Variants in AGAP1 observed in about 807,000 individuals in gnomAD.
AGAP1 encodes arf-GAP with GTPase, ANK repeat and PH domain-containing protein 1.
A neutral mutation model predicts 105.3 loss-of-function variants in AGAP1; 29 were observed. That is an observed-to-expected ratio of 0.28 (90% CI 0.21 to 0.38). AGAP1 has a LOEUF of 0.38. Ranked by LOEUF, AGAP1 falls within the 10% of genes least tolerant of loss-of-function variation. The probability of loss-of-function intolerance (pLI) is 1.00; values close to 1 mark genes in which losing one functional copy is unlikely to be tolerated. For synonymous variants in AGAP1, 509 were observed against 485.9 expected (o/e 1.05, Z -0.63); for missense variants, 998 against 1,165.1 (o/e 0.86, Z 2.09).
In AGAP1 at chr2:235,930,847, C is replaced by G; in HGVS notation, c.1407C>G (p.His469Gln). Residue 469 changes from histidine (H) to glutamine (Q), a missense_variant, in exon 12 of 18, where the codon CAC becomes CAG. Physicochemically the swap from His to Gln is conservative, Grantham distance 24. Around this residue, in one of 3 missense-constraint regions of AGAP1, gnomAD observed 735 missense variants for 833.4 expected, o/e 0.88. Transcript: ENST00000304032. This position sits in a 1 kb window ranked among gnomAD's most constrained non-coding sequence, Gnocchi z 7.9. ...TCAACAGCCGACCCGACGGCATGCACCAGCGCTCCTACTCAGTCTCCAGTG... is the reference window on the plus strand; with the variant it reads ...TCAACAGCCGACCCGACGGCATGCAGCAGCGCTCCTACTCAGTCTCCAGTG... ...VSFNSRPDGM[H>Q]QRSYSVSSAD... The G allele has an allele frequency of 6.2e-7, 1 of 1,614,184 alleles. No homozygotes were observed. Among genetic ancestry groups the G allele is most frequent in the Non-Finnish European group, 8.5e-7 (1 of 1,180,038 alleles).
chr2:235,834,478 G>A (rs1411806943), intron 9 of AGAP1, among the ~76,000 whole-genome samples: 1 of 152,216 alleles, frequency 6.6e-6, no homozygotes, highest in Non-Finnish European at 1.5e-5. Flanking sequence ...AGGCCACAGA[G>A]CCCGGTCTGT....
intron 9 of AGAP1, among the ~76,000 whole-genome samples, chr2:235,815,881 G>A (rs1446753492): frequency 1.3e-5 from 2 of 152,140 alleles, no homozygotes; most frequent in East Asian, 1.9e-4. Flanking sequence ...AGCTGTTGAG[G>A]CCTTTCAGTC....
intron 1 of AGAP1, among the ~76,000 whole-genome samples, chr2:235,679,236 A>C (rs528070720): frequency 6.6e-6 from 1 of 152,308 alleles, no homozygotes; most frequent in Non-Finnish European, 1.5e-5. Context: ...CAGTAAACAG[A>C]TATGTCACTG....
chr2:235,690,987 C>T lies in AGAP1; in HGVS notation c.164-18192C>T, dbSNP rs1949708953. Among the ~76,000 whole-genome samples the T allele has an allele frequency of 6.6e-6, 1 of 152,152 alleles. No homozygotes were observed. Among genetic ancestry groups the T allele is most frequent in the African/African-American group, 2.4e-5 (1 of 41,438 alleles). Reference sequence around the variant, plus strand: ...AGCCTTCTTGGAAGTCGCTCACCACCTGGTTTTCTCCAATTAGGCTATGAG... The same window carrying T: ...AGCCTTCTTGGAAGTCGCTCACCACTTGGTTTTCTCCAATTAGGCTATGAG... On this transcript the variant is annotated intron_variant, in intron 1 of 17. Coordinates refer to ENST00000304032, the MANE Select transcript of AGAP1 (RefSeq NM_001037131.3). The surrounding 1 kb of genome is among the most constrained non-coding windows in gnomAD (Gnocchi z 4.1).
At position 236,056,965 on chromosome 2, in the gene AGAP1, A is replaced by C. The variant is rs372750459; in HGVS notation, c.2114+7684A>C. On this transcript the variant is annotated intron_variant, in intron 16 of 17. Transcript: ENST00000304032. This position sits in a 1 kb window ranked among gnomAD's most constrained non-coding sequence, Gnocchi z 4.6. Reference sequence around the variant, plus strand: ...TCCCACTCGCCCCTGGTCAGTTTCTATCTCAGTAGCCATCGTGTGTCAAAC... The same window carrying C: ...TCCCACTCGCCCCTGGTCAGTTTCTCTCTCAGTAGCCATCGTGTGTCAAAC... Among the ~76,000 whole-genome samples, 1 of 152,204 alleles carries C rather than the reference A, an allele frequency of 6.6e-6. No individual in the cohort carries two copies. Among genetic ancestry groups the C allele is most frequent in the Non-Finnish European group, 1.5e-5 (1 of 68,038 alleles).
At chr2:235,527,802 T>C (rs1279958464) in intron 1 of AGAP1, among the ~76,000 whole-genome samples, 1 of 152,226 alleles carries the variant, frequency 6.6e-6, no homozygotes, top group Non-Finnish European at 1.5e-5. Flanking sequence ...TTCTTGTGTC[T>C]GTCATTACAG....
At chr2:236,028,934 G>A (rs10170434) in intron 13 of AGAP1, among the ~76,000 whole-genome samples, 97,475 of 152,006 alleles carry the variant, frequency 0.64, 32,560 homozygotes, top group African/African-American at 0.83. Context: ...TTCTCTTATT[G>A]ATTTTTTTTC....
At position 235,734,441 on chromosome 2, in the gene AGAP1, C is replaced by T. The variant is rs1267481594; in HGVS notation, c.311-6522C>T. On this transcript the variant is annotated intron_variant, in intron 3 of 17. Transcript: ENST00000304032. This position sits in a 1 kb window ranked among gnomAD's most constrained non-coding sequence, Gnocchi z 5.3. ...GATCAGACACTGCCATGAGGTCCCT[C>T]CCCTCTCTGATGGCAAAGGGAAACA... is the stretch of plus-strand genomic sequence containing the variant. 1.3e-5 allele frequency among the ~76,000 whole-genome samples: 2 copies of T among 151,974 alleles called. No homozygotes were observed. The highest frequency in any genetic ancestry group is 1.9e-4 in the East Asian group (1 of 5,170).
rs1341998605 is a variant in AGAP1, at chr2:235,714,683, A to G, written c.223-2874A>G. Among the ~76,000 whole-genome samples the G allele has an allele frequency of 1.3e-5, 2 of 152,128 alleles. No homozygotes were observed. The highest frequency in any genetic ancestry group is 2.9e-5 in the Non-Finnish European group (2 of 68,032). ...TGGGTGACAGAGAACATTTGGATCCATGAGCCATCACTCAGACAGCAGACC... is the reference window on the plus strand; with the variant it reads ...TGGGTGACAGAGAACATTTGGATCCGTGAGCCATCACTCAGACAGCAGACC... On this transcript the variant is annotated intron_variant, in intron 2 of 17. Coordinates refer to ENST00000304032, the MANE Select transcript of AGAP1 (RefSeq NM_001037131.3). The surrounding 1 kb of genome is among the most constrained non-coding windows in gnomAD (Gnocchi z 4.1).
rs1230752404 is a variant in AGAP1 at position 235,555,354 on chromosome 2, C to T, written c.163+60505C>T. On this transcript the variant is annotated intron_variant, in intron 1 of 17. Transcript: ENST00000304032. This position sits in a 1 kb window ranked among gnomAD's most constrained non-coding sequence, Gnocchi z 5.1. Reference sequence around the variant, plus strand: ...CCCAGTCCAGTCTGCAAAGCCTGGCCACTTGCACAGGAAGATGCTCATAGA... The same window carrying T: ...CCCAGTCCAGTCTGCAAAGCCTGGCTACTTGCACAGGAAGATGCTCATAGA... 6.6e-6 allele frequency among the ~76,000 whole-genome samples: 1 copy of T among 152,190 alleles called. No individual in the cohort carries two copies. The highest frequency in any genetic ancestry group is 1.9e-4 in the East Asian group (1 of 5,188).
intron 16 of AGAP1, among the ~76,000 whole-genome samples, chr2:236,077,050 C>G (rs1347830186): frequency 6.8e-6 from 1 of 146,796 alleles, no homozygotes; most frequent in Non-Finnish European, 1.5e-5. Flanking sequence ...GAGGAGGTTG[C>G]AGTAAGCTAT....
intron 1 of AGAP1, among the ~76,000 whole-genome samples, chr2:235,695,563 C>T (rs575836945): frequency 1.3e-5 from 2 of 152,124 alleles, no homozygotes; most frequent in Non-Finnish European, 1.5e-5. Flanking sequence ...CTTGATCTGT[C>T]GTGGAACTTT....
intron 16 of AGAP1, among the ~76,000 whole-genome samples, chr2:236,097,009 C>G (rs116063547): frequency 1.6e-3 from 238 of 152,330 alleles, no homozygotes; most frequent in African/African-American, 5.5e-3. Flanking sequence ...TCCTGAAATT[C>G]ACTTTCAGAA....
rs2060057662 is a variant in AGAP1 at position 236,129,719 on chromosome 2, T to TA, written c.*5599dup. 1 of 152,240 alleles carries TA rather than the reference T, an allele frequency of 6.6e-6. No individual in the cohort carries two copies. Among genetic ancestry groups the TA allele is most frequent in the South Asian group, 2.1e-4 (1 of 4,830 alleles). The allele number at this position is 152,240 out of a possible 1,614,324, so 9.4% of individuals were successfully genotyped here. A position where few individuals can be genotyped will look rare whatever the true frequency, so the allele number is the denominator to read the frequency against. On this transcript the variant is annotated 3_prime_UTR_variant, in exon 18 of 18. Transcript: ENST00000304032. The surrounding 1 kb of genome is among the most constrained non-coding windows in gnomAD (Gnocchi z 6.2). ...TTGAAATATTAATGGCCCCCCCATTTAATCAGTGTGTCTGCGGCTTTCTTC... is the reference window on the plus strand; with the variant it reads ...TTGAAATATTAATGGCCCCCCCATTTAAATCAGTGTGTCTGCGGCTTTCTTC...
intron 6 of AGAP1, among the ~76,000 whole-genome samples, chr2:235,762,455 T>C (rs1954531597): frequency 1.3e-5 from 2 of 152,136 alleles, no homozygotes. Flanking sequence ...GTTTGTGTAT[T>C]GAATGCAGAG....
chr2:235,653,727 A>G (rs1342027983), intron 1 of AGAP1, among the ~76,000 whole-genome samples: 2 of 152,214 alleles, frequency 1.3e-5, no homozygotes, highest in Non-Finnish European at 1.5e-5. Flanking sequence ...GCCAGCCTAC[A>G]TGCAAGTTTA....
At chr2:235,602,317 G>T (rs1050327636) in intron 1 of AGAP1, among the ~76,000 whole-genome samples, 1 of 149,648 alleles carries the variant, frequency 6.7e-6, no homozygotes, top group African/African-American at 2.5e-5. Context: ...CACTGGTTGT[G>T]ACAGAGATCT....
rs1485858394 is a variant in AGAP1 at position 236,014,544 on chromosome 2, G to A, written c.1646-22017G>A. Among the ~76,000 whole-genome samples the A allele has an allele frequency of 2.6e-5, 4 of 152,120 alleles. No homozygotes were observed. Among genetic ancestry groups the A allele is most frequent in the African/African-American group, 9.7e-5 (4 of 41,438 alleles). On this transcript the variant is annotated intron_variant, in intron 13 of 17. Transcript: ENST00000304032. The surrounding 1 kb of genome is among the most constrained non-coding windows in gnomAD (Gnocchi z 6.3). Reference sequence around the variant, plus strand: ...CCAGCAGGGCGAAGCAGACTTCTGCGCGTGGGTAGTTCTTTGACGTTAGAT... The same window carrying A: ...CCAGCAGGGCGAAGCAGACTTCTGCACGTGGGTAGTTCTTTGACGTTAGAT...
chr2:235,767,021 C>A (rs1448755110), intron 6 of AGAP1, among the ~76,000 whole-genome samples: 1 of 148,474 alleles, frequency 6.7e-6, no homozygotes, highest in Non-Finnish European at 1.5e-5. Context: ...TCAAGCAATT[C>A]TCCTGATTCA....
Sources: allele counts gnomAD v4.1 joint callset (sites outside exome capture counted in the v4.1 genomes callset), GRCh38; gene constraint gnomAD v4.1.1; regional missense constraint gnomAD v4.1.1; non-coding constraint Gnocchi (gnomAD v3.1); transcripts MANE v1.5; gene names NCBI Gene and HGNC (gene_info 2026-07-23, HGNC 2026-07-21).